Variants in NHS observed in about 807,000 individuals in gnomAD.
NHS encodes the protein NHS actin remodeling regulator, also known as actin remodeling regulator NHS.
NHS carries 5 observed loss-of-function variants against 72.5 expected under a neutral mutation model. That is an observed-to-expected ratio of 0.07 (90% CI 0.04 to 0.14). NHS has a LOEUF of 0.14. Ranked by LOEUF, NHS falls within the 10% of genes least tolerant of loss-of-function variation. The pLI, the probability that NHS is intolerant of heterozygous loss-of-function variation, is 1.00. For synonymous variants in NHS, 464 were observed against 547.7 expected (o/e 0.85, Z 2.13); for missense variants, 1,072 against 1,355.7 (o/e 0.79, Z 3.29).
At chrX:17,510,116 G>A (rs185778561) in intron 1 of NHS, among the ~76,000 whole-genome samples, 31 of 112,603 alleles carry the variant, frequency 2.8e-4, no homozygotes, top group African/African-American at 8.7e-4. Flanking sequence ...TGACCTTACC[G>A]TTGACTACAA....
intron 1 of NHS, among the ~76,000 whole-genome samples, chrX:17,497,437 A>C (rs1243467834): frequency 1.8e-5 from 2 of 111,615 alleles, no homozygotes; most frequent in Non-Finnish European, 3.8e-5. Context: ...GCAAGCTTTC[A>C]GAGAATGACA....
intron 1 of NHS, among the ~76,000 whole-genome samples, chrX:17,643,235 C>T (rs1302249640): frequency 8.9e-6 from 1 of 112,053 alleles, no homozygotes; most frequent in Non-Finnish European, 1.9e-5. Flanking sequence ...AGAATTTAGA[C>T]TCAGTTCTCT....
intron 1 of NHS, chrX:17,587,012 A>G (rs1367411371): frequency 1.8e-5 from 2 of 112,385 alleles, no homozygotes; most frequent in Non-Finnish European, 3.8e-5. Flanking sequence ...TACCTGGGAC[A>G]ATGCTGATTT....
At chrX:17,564,972 TTTTTTTATTTA>T (rs2065435032) in intron 1 of NHS, among the ~76,000 whole-genome samples, 1 of 103,059 alleles carries the variant, frequency 9.7e-6, no homozygotes, top group South Asian at 3.9e-4. Flanking sequence ...CAGCCACATT[TTTTTTTATTTA>T]TTTTTTTTTT....
chrX:17,636,781 G>A (rs560268696), intron 1 of NHS, among the ~76,000 whole-genome samples: 49 of 112,225 alleles, frequency 4.4e-4, no homozygotes, highest in African/African-American at 1.3e-3. Flanking sequence ...ACTTAAGATC[G>A]CTCAGGAGAA....
chrX:17,592,314 A>G (rs1489326159), intron 1 of NHS, among the ~76,000 whole-genome samples: 1 of 111,917 alleles, frequency 8.9e-6, no homozygotes, highest in Non-Finnish European at 1.9e-5. Flanking sequence ...CTTTGTTTGT[A>G]GAATATTGTT....
intron 1 of NHS, among the ~76,000 whole-genome samples, chrX:17,623,705 C>A (rs1157420934): frequency 8.9e-6 from 1 of 112,062 alleles, no homozygotes; most frequent in Non-Finnish European, 1.9e-5. Flanking sequence ...GGAAAAATAT[C>A]CCCAGGGGCC....
intron 1 of NHS, chrX:17,687,231 G>A (rs1036140355): frequency 6.5e-6 from 1 of 154,150 alleles, no homozygotes; most frequent in African/African-American, 3.0e-5. Context: ...CCTTGGGGAC[G>A]GGACCACAAG....
At chrX:17,389,728 A>G (rs1403116477) in intron 1 of NHS, among the ~76,000 whole-genome samples, 12 of 109,727 alleles carry the variant, frequency 1.1e-4, no homozygotes, top group Non-Finnish European at 1.9e-4. Context: ...CAGCCTCCCA[A>G]GTAGCTGAAA....
intron 1 of NHS, among the ~76,000 whole-genome samples, chrX:17,387,261 C>T (rs372900386): frequency 1.7e-4 from 19 of 112,062 alleles, no homozygotes; most frequent in African/African-American, 5.8e-4. Context: ...TACCATATGT[C>T]TGTAGCATTC....
chrX:17,605,125 T>A (rs1239622588), intron 1 of NHS, among the ~76,000 whole-genome samples: 1 of 112,201 alleles, frequency 8.9e-6, no homozygotes, highest in Non-Finnish European at 1.9e-5. Flanking sequence ...GACAAATCAG[T>A]GTGTCAGTTG....
At chrX:17,605,987 C>A (rs778244797) in intron 1 of NHS, among the ~76,000 whole-genome samples, 1 of 112,250 alleles carries the variant, frequency 8.9e-6, no homozygotes, top group African/African-American at 3.2e-5. Context: ...AATTTGAATA[C>A]CTGGTGAAAA....
chrX:17,467,704 T>A lies in NHS; in HGVS notation c.565+91382T>A, dbSNP rs1371372369. On this transcript the variant is annotated intron_variant, in intron 1 of 8. Coordinates refer to ENST00000676302, the MANE Select transcript of NHS (RefSeq NM_001291867.2). Reference sequence around the variant, plus strand: ...AACCCAAGAATTAGATTGCCTAGATTTTAACAGAGAAAGCAAAACAGACAA... The same window carrying A: ...AACCCAAGAATTAGATTGCCTAGATATTAACAGAGAAAGCAAAACAGACAA... Among the ~76,000 whole-genome samples, 3 of 112,060 alleles carry A rather than the reference T, an allele frequency of 2.7e-5. No individual in the cohort carries two copies. In the East Asian group the frequency reaches 8.4e-4, roughly 31 times the overall value.
chrX:17,694,338 T>C (rs1247181040), intron 3 of NHS, among the ~76,000 whole-genome samples: 1 of 112,326 alleles, frequency 8.9e-6, no homozygotes, highest in African/African-American at 3.2e-5. Context: ...TAGGCCTGGA[T>C]AGAACATAGT....
chrX:17,653,095 G>C (rs2065937874), intron 1 of NHS, among the ~76,000 whole-genome samples: 1 of 110,910 alleles, frequency 9.0e-6, no homozygotes, highest in African/African-American at 3.3e-5. Context: ...CACCATACAG[G>C]GGATAGGGGG....
chrX:17,409,373 TG>T (rs1353941699), intron 1 of NHS, among the ~76,000 whole-genome samples: 2 of 93,795 alleles, frequency 2.1e-5, no homozygotes, highest in African/African-American at 7.1e-5. Context: ...CCTTCCATTA[TG>T]TTTTTTTTTT....
intron 1 of NHS, among the ~76,000 whole-genome samples, chrX:17,389,488 A>G (rs185448739): frequency 1.3e-4 from 15 of 112,054 alleles, no homozygotes; most frequent in Admixed American, 3.8e-4. Flanking sequence ...TTATGACATC[A>G]TCGTGCTGGA....
chrX:17,634,071 T>C (rs1334553854), intron 1 of NHS, among the ~76,000 whole-genome samples: 1 of 111,764 alleles, frequency 8.9e-6, no homozygotes, highest in East Asian at 2.8e-4. Context: ...ATCAGGAGCC[T>C]GACTCTCTGC....
intron 1 of NHS, among the ~76,000 whole-genome samples, chrX:17,600,261 G>C (rs1354196081): frequency 3.7e-5 from 4 of 108,053 alleles, no homozygotes; most frequent in Admixed American, 1.0e-4. Context: ...ACCCCAGGGG[G>C]CAAGGCAGCT....
Sources: allele counts gnomAD v4.1 joint callset (sites outside exome capture counted in the v4.1 genomes callset), GRCh38; gene constraint gnomAD v4.1.1; transcripts MANE v1.5; gene names NCBI Gene and HGNC (gene_info 2026-07-23, HGNC 2026-07-21).